BCAS4: variants seen among roughly 807,000 people sequenced by gnomAD.
BCAS4 encodes breast carcinoma amplified sequence 4.
In BCAS4, 9 loss-of-function variants were observed where a neutral mutation model predicts 15.7. That is an observed-to-expected ratio of 0.57 (90% confidence interval 0.34 to 1.00). BCAS4 has a LOEUF of 1.00. Ranked by LOEUF, BCAS4 falls within the 50% of genes least tolerant of loss-of-function variation. The pLI is 0.02. For synonymous variants in BCAS4, 101 were observed against 99.5 expected, an observed-to-expected ratio of 1.02 and a Z score of -0.09; for missense variants, 225 against 239.1, an observed-to-expected ratio of 0.94 and a Z score of 0.39.
chr20:50,841,515 A>G (rs1310436758), intron 3 of BCAS4, among the ~76,000 whole-genome samples: 1 of 152,012 alleles, frequency 6.6e-6, no homozygotes, highest in East Asian at 1.9e-4. Flanking sequence ...CTCCCCTCTA[A>G]AATGGAGGCT....
At chr20:50,880,814 G>A (rs545029156), downstream of BCAS4, 1 of 152,336 alleles carries the variant, frequency 6.6e-6, no homozygotes, top group African/African-American at 2.4e-5. Context: ...GAAATGTGTG[G>A]TTTGCCCTGA....
downstream of BCAS4, chr20:50,879,903 G>A (rs1410622746): frequency 1.3e-5 from 2 of 152,658 alleles, no homozygotes; most frequent in Non-Finnish European, 2.9e-5. Flanking sequence ...GGTGACATGA[G>A]GTGAGCTGTG....
intron 4 of BCAS4, among the ~76,000 whole-genome samples, chr20:50,855,802 C>G (rs79107257): frequency 1.3e-5 from 2 of 152,380 alleles, no homozygotes; most frequent in South Asian, 4.1e-4. Context: ...CTGTTAGTAA[C>G]AACAGCCATG....
intron 1 of BCAS4, among the ~76,000 whole-genome samples, chr20:50,812,783 G>A (rs565417127): frequency 6.6e-6 from 1 of 151,974 alleles, no homozygotes; most frequent in South Asian, 2.1e-4. Context: ...AAGTTTTTGT[G>A]AGAGCATATT....
At chr20:50,795,995 G>C (rs1344121035) in intron 1 of BCAS4, among the ~76,000 whole-genome samples, 1 of 151,194 alleles carries the variant, frequency 6.6e-6, no homozygotes, top group African/African-American at 2.4e-5. Context: ...GATTGCTTGG[G>C]ATGGGGATAG....
At chr20:50,844,707 A>C (rs2088521989) in intron 4 of BCAS4, among the ~76,000 whole-genome samples, 1 of 151,976 alleles carries the variant, frequency 6.6e-6, no homozygotes, top group Non-Finnish European at 1.5e-5. Flanking sequence ...TGGGGTGTGA[A>C]ACTGAGGTCC....
At chr20:50,882,407 G>T in the BCAS4 span, 2 of 152,316 alleles carry the variant, frequency 1.3e-5, no homozygotes, top group South Asian at 4.1e-4. Flanking sequence ...TGTAAAAATG[G>T]GTTAAGAGTT....
intron 1 of BCAS4, among the ~76,000 whole-genome samples, chr20:50,802,831 G>A (rs1025882733): frequency 2.0e-5 from 3 of 152,138 alleles, no homozygotes; most frequent in Admixed American, 6.5e-5. Flanking sequence ...CCGAGATTGT[G>A]CCACTGCACT....
At chr20:50,872,426 C>G (rs1306104595) in intron 4 of BCAS4, among the ~76,000 whole-genome samples, 1 of 151,498 alleles carries the variant, frequency 6.6e-6, no homozygotes, top group African/African-American at 2.4e-5. Context: ...AAAAAATTAG[C>G]TGGACGTGGT....
chr20:50,867,055 A>G (rs952966207), intron 4 of BCAS4, among the ~76,000 whole-genome samples: 7 of 152,172 alleles, frequency 4.6e-5, no homozygotes, highest in African/African-American at 1.7e-4. Context: ...AAAAAATTAT[A>G]GAATTAGAGC....
At chr20:50,863,861 C>T (rs1212389039) in intron 4 of BCAS4, among the ~76,000 whole-genome samples, 1 of 152,168 alleles carries the variant, frequency 6.6e-6, no homozygotes, top group Admixed American at 6.5e-5. Flanking sequence ...TGGTTTGTTG[C>T]CCTGGGCTAC....
At chr20:50,855,394 C>T (rs1345216121) in intron 4 of BCAS4, among the ~76,000 whole-genome samples, 2 of 152,134 alleles carry the variant, frequency 1.3e-5, no homozygotes, top group Admixed American at 6.5e-5. Flanking sequence ...CACTCCATCT[C>T]CTCGTCTCTC....
intron 4 of BCAS4, among the ~76,000 whole-genome samples, chr20:50,866,942 C>T (rs1458199054): frequency 3.9e-5 from 6 of 152,170 alleles, no homozygotes; most frequent in African/African-American, 1.2e-4. Flanking sequence ...GCGGGCCGGG[C>T]ACTCTGTAAA....
intron 1 of BCAS4, among the ~76,000 whole-genome samples, chr20:50,813,838 A>T (rs1413570159): frequency 7.4e-6 from 1 of 134,518 alleles, no homozygotes; most frequent in African/African-American, 2.7e-5. Context: ...GTGTTTGTTT[A>T]AAAAAAAAAA....
intron 1 of BCAS4, among the ~76,000 whole-genome samples, chr20:50,817,095 C>T (rs1718406845): frequency 6.6e-6 from 1 of 151,522 alleles, no homozygotes; most frequent in African/African-American, 2.4e-5. Flanking sequence ...GCCAGTGCAC[C>T]TGGGCTAATT....
At chr20:50,821,617 C>A (rs2088217652) in intron 2 of BCAS4, among the ~76,000 whole-genome samples, 1 of 152,216 alleles carries the variant, frequency 6.6e-6, no homozygotes, top group South Asian at 2.1e-4. Flanking sequence ...CCACGGACCA[C>A]TGTCCCCCCA....
At chr20:50,879,605 G>C (rs938533092), downstream of BCAS4, 2 of 152,236 alleles carry the variant, frequency 1.3e-5, no homozygotes, top group Non-Finnish European at 2.9e-5. Flanking sequence ...TATCTGCTGA[G>C]TGTTGGGCAC....
chr20:50,875,218 A>G (rs941921656), intron 4 of BCAS4, among the ~76,000 whole-genome samples: 1 of 152,220 alleles, frequency 6.6e-6, no homozygotes, highest in South Asian at 2.1e-4. Flanking sequence ...GCGCATGGCC[A>G]GGTTTGACAG....
chr20:50,841,952 G>A (rs756600384), intron 4 of BCAS4, 52 bp downstream of exon 4: 55 of 1,506,730 alleles, frequency 3.7e-5, no homozygotes, highest in East Asian at 1.9e-4. Flanking sequence ...CCTTCGCTCC[G>A]CAGACCCCAG....
Sources: gnomAD v4.1 joint callset for allele counts (sites outside exome capture counted in the v4.1 genomes callset) on GRCh38, gnomAD v4.1.1 for gene constraint, MANE v1.5 for transcripts, NCBI Gene and HGNC (gene_info 2026-07-23, HGNC 2026-07-21) for gene names.